Variants in MATN2 observed in about 807,000 individuals in gnomAD.
The protein encoded by MATN2 is matrilin 2.
A neutral mutation model predicts 103.2 loss-of-function variants in MATN2; 69 were observed. That is an observed-to-expected ratio of 0.67 (90% CI 0.55 to 0.82). MATN2 has a LOEUF of 0.82. Among genes scored for constraint, MATN2 ranks in the 40% least tolerant of loss-of-function variants. The pLI, the probability that MATN2 is intolerant of heterozygous loss-of-function variation, is 0.00. For missense variants in MATN2, 1,023 were observed against 1,211.5 expected (o/e 0.84, Z 2.31); for synonymous variants, 429 against 450.2 (o/e 0.95, Z 0.60).
chr8:97,993,494 A>T (rs1812465760), intron 6 of MATN2, among the ~76,000 whole-genome samples: 2 of 143,498 alleles, frequency 1.4e-5, no homozygotes, highest in African/African-American at 5.6e-5. Flanking sequence ...AAATACAAAA[A>T]AAAGAAAAAG....
chr8:97,944,534 G>A (rs572715828), intron 4 of MATN2, among the ~76,000 whole-genome samples: 2 of 152,274 alleles, frequency 1.3e-5, no homozygotes, highest in South Asian at 2.1e-4. Flanking sequence ...TGCAGATCTG[G>A]GCTTGAACCC....
intron 5 of MATN2, among the ~76,000 whole-genome samples, chr8:97,966,565 CAAA>C (rs5893441): frequency 3.5e-5 from 5 of 141,864 alleles, no homozygotes; most frequent in Non-Finnish European, 3.0e-5. Flanking sequence ...GACCTTGTCT[CAAA>C]AAAAAAAAAA....
intron 2 of MATN2, among the ~76,000 whole-genome samples, chr8:97,910,559 G>T (rs962649708): frequency 6.6e-6 from 1 of 152,178 alleles, no homozygotes; most frequent in African/African-American, 2.4e-5. Flanking sequence ...ACAGTACCAG[G>T]TTGCTGGGAA....
chr8:97,988,106 G>A (rs1812254068), intron 6 of MATN2, among the ~76,000 whole-genome samples: 2 of 138,742 alleles, frequency 1.4e-5, no homozygotes, highest in African/African-American at 5.5e-5. Flanking sequence ...ATCACTTGAG[G>A]CAAGGAGTTA....
intron 2 of MATN2, among the ~76,000 whole-genome samples, chr8:97,900,767 C>T (rs571198408): frequency 6.6e-6 from 1 of 152,252 alleles, no homozygotes; most frequent in Admixed American, 6.5e-5. Flanking sequence ...AACTCCGTCT[C>T]TGCTAAAAAT....
rs529778247 is a variant in MATN2 at position 97,972,659 on chromosome 8, A to T, written c.959-6227A>T. Among the ~76,000 whole-genome samples, 21 of 152,310 alleles carry T rather than the reference A, an allele frequency of 1.4e-4. No individual in the cohort carries two copies. The South Asian group carries it at 3.1e-3, about 23-fold the overall frequency. On this transcript the variant is annotated intron_variant, in intron 5 of 18. Coordinates refer to ENST00000254898, the MANE Select transcript of MATN2 (RefSeq NM_002380.5). ...AATTGGACCAGGTTATAAAACAGAA[A>T]TCATTGATTTTAGGGTTTTATTACC...
At chr8:97,968,501 A>G (rs1811555435) in intron 5 of MATN2, among the ~76,000 whole-genome samples, 1 of 152,194 alleles carries the variant, frequency 6.6e-6, no homozygotes, top group Non-Finnish European at 1.5e-5. Context: ...ATCTGATCAT[A>G]GGCTTGAATG....
chr8:97,992,717 G>T (rs1196711323), intron 6 of MATN2, among the ~76,000 whole-genome samples: 2 of 135,664 alleles, frequency 1.5e-5, no homozygotes, highest in African/African-American at 5.9e-5. Flanking sequence ...CTGCACTCCA[G>T]CCTGGGTGTT....
chr8:97,940,605 T>A (rs568741061), intron 3 of MATN2, among the ~76,000 whole-genome samples: 1 of 152,356 alleles, frequency 6.6e-6, no homozygotes, highest in South Asian at 2.1e-4. Flanking sequence ...AAGCGCTGGA[T>A]TAATGGAATT....
chr8:97,891,349 T>C (rs1586382354), intron 2 of MATN2, among the ~76,000 whole-genome samples: 1 of 152,146 alleles, frequency 6.6e-6, no homozygotes, highest in Non-Finnish European at 1.5e-5. Context: ...TTTTATTTTA[T>C]TTTATTTTGA....
At chr8:97,979,148 C>A in intron 6 of MATN2, 140 bp downstream of exon 6, 1 of 942,218 alleles carries the variant, frequency 1.1e-6, no homozygotes, top group Non-Finnish European at 1.5e-6. Flanking sequence ...CATTCCTCCT[C>A]TGTCAGGACT....
intron 2 of MATN2, among the ~76,000 whole-genome samples, chr8:97,906,135 C>T (rs1275160289): frequency 6.6e-6 from 1 of 152,180 alleles, no homozygotes; most frequent in Non-Finnish European, 1.5e-5. Flanking sequence ...GTGGCTGCAG[C>T]ATGTTACATT....
chr8:97,910,577 A>C (rs1246506744), intron 2 of MATN2, among the ~76,000 whole-genome samples: 2 of 152,226 alleles, frequency 1.3e-5, no homozygotes, highest in Non-Finnish European at 2.9e-5. Context: ...GAATGTATAG[A>C]GACAGCTTAC....
chr8:97,919,593 T>C (rs1809743828), intron 2 of MATN2, among the ~76,000 whole-genome samples: 1 of 152,194 alleles, frequency 6.6e-6, no homozygotes, highest in Non-Finnish European at 1.5e-5. Context: ...CTGTTCTTTA[T>C]TGTGTCTCTG....
At chr8:97,886,268 C>T (rs1818425352) in intron 1 of MATN2, among the ~76,000 whole-genome samples, 1 of 152,048 alleles carries the variant, frequency 6.6e-6, no homozygotes, top group Non-Finnish European at 1.5e-5. Flanking sequence ...TTATATATTG[C>T]AATGTAATAA....
intron 2 of MATN2, among the ~76,000 whole-genome samples, chr8:97,893,561 CTTAT>C (rs57936657): frequency 0.021 from 2,032 of 95,728 alleles, 52 homozygotes; most frequent in African/African-American, 0.064. Context: ...CCAGAGTATT[CTTAT>C]TTATTTATTT....
chr8:97,988,161 AAAAAAAAAAAAT>A (rs1812261368), intron 6 of MATN2, among the ~76,000 whole-genome samples: 1 of 56,016 alleles, frequency 1.8e-5, no homozygotes, highest in African/African-American at 8.1e-5. Flanking sequence ...CCAAAAAAAA[AAAAAAAAAAAAT>A]ATATATATAT....
At chr8:98,010,282 G>A (rs1452959383) in intron 10 of MATN2, among the ~76,000 whole-genome samples, 3 of 152,084 alleles carry the variant, frequency 2.0e-5, no homozygotes, top group Non-Finnish European at 4.4e-5. Context: ...AGGCTCTGCT[G>A]GGGCCTCTCT....
At chr8:98,004,078 G>A (rs992352748) in intron 8 of MATN2, 11 of 331,860 alleles carry the variant, frequency 3.3e-5, no homozygotes, top group Non-Finnish European at 6.0e-5. Flanking sequence ...CCTGAGGTCA[G>A]GAGTTCAAGA....
Sources: allele counts gnomAD v4.1 joint callset (sites outside exome capture counted in the v4.1 genomes callset), GRCh38; gene constraint gnomAD v4.1.1; transcripts MANE v1.5; gene names NCBI Gene and HGNC (gene_info 2026-07-23, HGNC 2026-07-21).